Variants in LYZL4 observed in about 807,000 individuals in gnomAD.
The protein encoded by LYZL4 is lysozyme like 4.
LYZL4 carries 13 observed loss-of-function variants against 17.6 expected under a neutral mutation model. The ratio of observed to expected loss-of-function variants is 0.74; its 90% confidence interval spans 0.48 to 1.18. The LOEUF (loss-of-function observed/expected upper bound fraction) is 1.18. Ranked by LOEUF, LYZL4 falls within the 50% of genes most tolerant of loss-of-function variation. The pLI, the probability that LYZL4 is intolerant of heterozygous loss-of-function variation, is 0.00. For missense variants in LYZL4, 174 were observed against 188.2 expected (o/e 0.92, Z 0.44); for synonymous variants, 64 against 67.7 (o/e 0.95, Z 0.27).
the LYZL4 span, among the ~76,000 whole-genome samples, chr3:42,382,496 T>A: frequency 6.6e-6 from 1 of 152,130 alleles, no homozygotes; most frequent in South Asian, 2.1e-4. Flanking sequence ...GTACACTAGC[T>A]AGCGTGTATT....
chr3:42,394,312 G>A (rs180699305), downstream of LYZL4, among the ~76,000 whole-genome samples: 299 of 152,308 alleles, frequency 2.0e-3, 2 homozygotes, highest in African/African-American at 6.7e-3. Context: ...AGCTAATGGA[G>A]TAGAAAATTA....
chr3:42,386,535 G>T, the LYZL4 span, among the ~76,000 whole-genome samples: 1 of 151,572 alleles, frequency 6.6e-6, no homozygotes, highest in Non-Finnish European at 1.5e-5. Context: ...TTCCATAAAA[G>T]GTCACATATT....
intron 3 of LYZL4, 57 bp from the exon 4 acceptor site, chr3:42,404,181 T>G (rs894338308): frequency 8.5e-7 from 1 of 1,171,398 alleles, no homozygotes; most frequent in African/African-American, 1.5e-5. Context: ...TAAGTTAGAG[T>G]GATGTCAGGG....
chr3:42,377,470 A>G, the LYZL4 span, among the ~76,000 whole-genome samples: 1 of 152,142 alleles, frequency 6.6e-6, no homozygotes, highest in Non-Finnish European at 1.5e-5. Flanking sequence ...TAGGGATACT[A>G]GGCAAATACT....
At position 42,407,170 on chromosome 3, in the gene LYZL4, C is replaced by A. The variant is rs1486658007; in HGVS notation, c.82G>T (p.Ala28Ser). Residue 28 changes from alanine to serine, a missense_variant, in exon 2 of 5, where the codon GCT becomes TCT. Transcript: ENST00000287748. ...AGGCCTCCATCGTGGAGTTTCTTAGCCACTGTGCAACGCCCCAAGATGTAA... is the reference window on the plus strand; with the variant it reads ...AGGCCTCCATCGTGGAGTTTCTTAGACACTGTGCAACGCCCCAAGATGTAA... ...GAYILGRCTV[A>S]KKLHDGGLDY... is the part of the protein sequence containing the mutation. The A allele has an allele frequency of 6.2e-7, 1 of 1,614,118 alleles. No homozygotes were observed. Among genetic ancestry groups the A allele is most frequent in the Admixed American group, 1.7e-5 (1 of 60,020 alleles).
chr3:42,382,227 T>G, the LYZL4 span, among the ~76,000 whole-genome samples: 1 of 152,226 alleles, frequency 6.6e-6, no homozygotes, highest in East Asian at 1.9e-4. Context: ...GGTTGACCCA[T>G]TTCTCTCCCT....
chr3:42,397,161 T>C lies in LYZL4; in HGVS notation c.*104A>G. The C allele has an allele frequency of 1.2e-6, 1 of 832,044 alleles. No homozygotes were observed. The highest frequency in any genetic ancestry group is 1.9e-6 in the Non-Finnish European group (1 of 524,716). 51.5% of individuals were successfully genotyped at this position (832,044 alleles called of 1,614,324 possible). A position where few individuals can be genotyped will look rare whatever the true frequency, so the allele number is the denominator to read the frequency against. Reference sequence around the variant, plus strand: ...TTTTGTCTTTTTCCATCTGGAACTCTTAAAGTGGTGAGATCATCAAAAGGA... The same window carrying C: ...TTTTGTCTTTTTCCATCTGGAACTCCTAAAGTGGTGAGATCATCAAAAGGA... On this transcript the variant is annotated 3_prime_UTR_variant, in exon 5 of 5. Transcript: ENST00000287748.
the LYZL4 span, among the ~76,000 whole-genome samples, chr3:42,383,998 C>T: frequency 6.6e-6 from 1 of 152,002 alleles, no homozygotes; most frequent in African/African-American, 2.4e-5. Context: ...CACAGGTTTC[C>T]AGATTGAAAG....
At chr3:42,407,051 C>T (rs1185516661) in intron 2 of LYZL4, 53 bp from the exon 3 acceptor site, 2 of 1,613,650 alleles carry the variant, frequency 1.2e-6, no homozygotes, top group East Asian at 2.2e-5. Flanking sequence ...GTTGGGGATG[C>T]TTGGCCAGAG....
chr3:42,390,334 G>T, the LYZL4 span, among the ~76,000 whole-genome samples: 6 of 152,200 alleles, frequency 3.9e-5, no homozygotes, highest in Non-Finnish European at 8.8e-5. Flanking sequence ...TCTTTCCCTA[G>T]CCACACCTGG....
chr3:42,377,938 C>T, the LYZL4 span, among the ~76,000 whole-genome samples: 1 of 152,252 alleles, frequency 6.6e-6, no homozygotes, highest in East Asian at 1.9e-4. Context: ...TGACTCAGCT[C>T]GCCAAGGTCT....
the LYZL4 span, among the ~76,000 whole-genome samples, chr3:42,375,577 G>C: frequency 6.6e-6 from 1 of 152,190 alleles, no homozygotes; most frequent in Non-Finnish European, 1.5e-5. Context: ...CTCTTCGACT[G>C]AAGACTGAAG....
chr3:42,374,097 A>G, the LYZL4 span, among the ~76,000 whole-genome samples: 1 of 152,190 alleles, frequency 6.6e-6, no homozygotes, highest in Non-Finnish European at 1.5e-5. Flanking sequence ...TATTATCACA[A>G]TGATAATTCT....
At chr3:42,391,460 GC>G in the LYZL4 span, among the ~76,000 whole-genome samples, 1 of 152,166 alleles carries the variant, frequency 6.6e-6, no homozygotes, top group Non-Finnish European at 1.5e-5. Context: ...AATATAGGTG[GC>G]CCAAAAGACA....
At chr3:42,371,133 C>T in the LYZL4 span, among the ~76,000 whole-genome samples, 56 of 152,332 alleles carry the variant, frequency 3.7e-4, no homozygotes, top group African/African-American at 1.3e-3. Context: ...CCCTGGAACT[C>T]CCATCTCCCC....
chr3:42,394,062 G>T (rs148035736), downstream of LYZL4, among the ~76,000 whole-genome samples: 4,404 of 152,236 alleles, frequency 0.029, 215 homozygotes, highest in African/African-American at 0.1. Context: ...CAGAGTGCTG[G>T]GATTACAGGC....
At chr3:42,391,932 T>TA in the LYZL4 span, among the ~76,000 whole-genome samples, 2 of 151,778 alleles carry the variant, frequency 1.3e-5, no homozygotes, top group Admixed American at 1.3e-4. Flanking sequence ...TAGAGTGCAG[T>TA]GGTGCGATCT....
chr3:42,382,582 C>G, the LYZL4 span, among the ~76,000 whole-genome samples: 213 of 151,710 alleles, frequency 1.4e-3, no homozygotes, highest in Admixed American at 4.9e-3. Flanking sequence ...TATTAAATTC[C>G]CAATTTCTCT....
chr3:42,407,503 T>C (rs1183679123), intron 1 of LYZL4, 160 bp from the exon 2 acceptor site: 2 of 519,596 alleles, frequency 3.8e-6, no homozygotes, highest in East Asian at 3.4e-5. Context: ...TGACCTCCTA[T>C]TTTCTAAGGA....
Sources: allele counts gnomAD v4.1 joint callset (sites outside exome capture counted in the v4.1 genomes callset), GRCh38; gene constraint gnomAD v4.1.1; transcripts MANE v1.5; gene names NCBI Gene and HGNC (gene_info 2026-07-23, HGNC 2026-07-21).